LARGE1: variants seen among roughly 807,000 people sequenced by gnomAD.
The protein encoded by LARGE1 is xylosyl- and glucuronyltransferase LARGE1.
LARGE1 carries 43 observed loss-of-function variants against 87.6 expected under a neutral mutation model. The ratio of observed to expected loss-of-function variants is 0.49; its 90% CI spans 0.38 to 0.63. LARGE1 has a LOEUF of 0.63. Ranked by LOEUF, LARGE1 falls within the 30% of genes least tolerant of loss-of-function variation. The probability of loss-of-function intolerance (pLI) is 0.00; values close to 1 mark genes in which losing one functional copy is unlikely to be tolerated. For missense variants in LARGE1, 802 were observed against 1,000.2 expected (o/e 0.80, Z 2.67); for synonymous variants, 434 against 394.6 (o/e 1.10, Z -1.18).
intron 2 of LARGE1, 118 bp from the exon 3 acceptor site, chr22:33,650,786 G>A: frequency 8.8e-7 from 1 of 1,142,182 alleles, no homozygotes; most frequent in East Asian, 2.5e-5. Context: ...CCATGTTTAA[G>A]GAAAACAGAT....
intron 11 of LARGE1, among the ~76,000 whole-genome samples, chr22:33,222,360 T>TG (rs924688918): frequency 3.9e-5 from 6 of 152,110 alleles, no homozygotes; most frequent in Non-Finnish European, 8.8e-5. Flanking sequence ...AGAAGGGCCT[T>TG]GGGGGAGAGC....
At chr22:33,074,204 C>G in the LARGE1 span, among the ~76,000 whole-genome samples, 1 of 152,102 alleles carries the variant, frequency 6.6e-6, no homozygotes, top group Non-Finnish European at 1.5e-5. Flanking sequence ...TGGCCAGGAT[C>G]ACCTACTCCT....
rs373268713 is a variant in LARGE1, at chr22:33,419,726, T to C, written c.892+12435A>G. ...TTTGTTTTGAGATGGAGTCTCGCTC[T>C]ATTGCCCAGGCTGAAGTGTAGTGGC... is the stretch of plus-strand genomic sequence containing the variant. On this transcript the variant is annotated intron_variant, in intron 7 of 14. Transcript: ENST00000397394. 3.3e-5 allele frequency among the ~76,000 whole-genome samples: 5 copies of C among 152,290 alleles called. No individual in the cohort carries two copies. In the East Asian group the frequency reaches 9.7e-4, roughly 29 times the overall value.
chr22:33,282,013 G>T (rs1930535820), intron 13 of LARGE1, among the ~76,000 whole-genome samples: 1 of 152,188 alleles, frequency 6.6e-6, no homozygotes, highest in African/African-American at 2.4e-5. Flanking sequence ...GGAAGTGTTG[G>T]CCATTCTGAC....
chr22:33,540,731 G>C (rs1477289915), intron 6 of LARGE1, among the ~76,000 whole-genome samples: 1 of 152,094 alleles, frequency 6.6e-6, no homozygotes, highest in Non-Finnish European at 1.5e-5. Flanking sequence ...TGGCTGATAT[G>C]GGGTAGACCT....
At chr22:33,447,534 C>G (rs570515053) in intron 6 of LARGE1, among the ~76,000 whole-genome samples, 1 of 152,314 alleles carries the variant, frequency 6.6e-6, no homozygotes, top group South Asian at 2.1e-4. Context: ...AACCCCAGCA[C>G]GTCCCAATGC....
intron 1 of LARGE1, among the ~76,000 whole-genome samples, chr22:33,768,785 C>T (rs1219519280): frequency 6.6e-6 from 1 of 152,150 alleles, no homozygotes; most frequent in Non-Finnish European, 1.5e-5. Flanking sequence ...TTACACCAAC[C>T]CACCTCTACT....
chr22:33,889,659 G>A (rs1673960281), intron 1 of LARGE1, among the ~76,000 whole-genome samples: 1 of 152,124 alleles, frequency 6.6e-6, no homozygotes, highest in Admixed American at 6.5e-5. Flanking sequence ...AGGGGCTCAT[G>A]GACAGGAAAC....
chr22:33,409,283 T>G (rs2066220263), intron 7 of LARGE1, among the ~76,000 whole-genome samples: 1 of 143,608 alleles, frequency 7.0e-6, no homozygotes, highest in Non-Finnish European at 1.5e-5. Context: ...CAGCTTACCC[T>G]GAGACGGAAG....
intron 1 of LARGE1, among the ~76,000 whole-genome samples, chr22:33,846,253 CA>C (rs1477373930): frequency 6.6e-6 from 1 of 152,196 alleles, no homozygotes; most frequent in African/African-American, 2.4e-5. Context: ...ATTAGTTCCC[CA>C]AATTAATACT....
chr22:33,511,890 C>G (rs1486644052), intron 6 of LARGE1, among the ~76,000 whole-genome samples: 1 of 152,230 alleles, frequency 6.6e-6, no homozygotes, highest in Non-Finnish European at 1.5e-5. Flanking sequence ...ATGGCTAACT[C>G]CCCTACAAGT....
intron 2 of LARGE1, among the ~76,000 whole-genome samples, chr22:33,709,628 CTT>C (rs1361106062): frequency 2.0e-4 from 28 of 139,228 alleles, no homozygotes; most frequent in Admixed American, 4.3e-4. Flanking sequence ...TTCTTTAATT[CTT>C]TTTTTTTTTT....
chr22:33,236,185 A>G (rs1034261404), intron 11 of LARGE1, among the ~76,000 whole-genome samples: 1 of 152,182 alleles, frequency 6.6e-6, no homozygotes, highest in Non-Finnish European at 1.5e-5. Flanking sequence ...GACCTCCAGA[A>G]CTGTGAGAGC....
chr22:33,262,553 T>A (rs942800187), intron 11 of LARGE1, among the ~76,000 whole-genome samples: 1 of 152,088 alleles, frequency 6.6e-6, no homozygotes, highest in African/African-American at 2.4e-5. Context: ...TGCTGGAAGA[T>A]CTTCAGTGCC....
chr22:33,859,234 A>C (rs2063843588), intron 1 of LARGE1, among the ~76,000 whole-genome samples: 1 of 152,184 alleles, frequency 6.6e-6, no homozygotes, highest in East Asian at 1.9e-4. Context: ...TCACCTTATA[A>C]ATGCAAACCT....
In LARGE1 at chr22:33,433,902, T is replaced by C. The variant is rs547315141; in HGVS notation, c.788-1637A>G. 2.6e-5 allele frequency among the ~76,000 whole-genome samples: 4 copies of C among 152,264 alleles called. No homozygotes were observed. The South Asian group carries it at 8.3e-4, about 32-fold the overall frequency. On this transcript the variant is annotated intron_variant, in intron 6 of 14. Transcript: ENST00000397394. ...GATGGTGTGTGGGTTTGGGGTAATA[T>C]ATTCGATCAATTTTATTAAGCTCCT...
At chr22:33,564,363 G>C (rs941529098) in intron 6 of LARGE1, among the ~76,000 whole-genome samples, 1 of 152,072 alleles carries the variant, frequency 6.6e-6, no homozygotes, top group African/African-American at 2.4e-5. Flanking sequence ...AAACCCACCA[G>C]ACTAGAAAGA....
chr22:33,515,671 G>C (rs2071270620), intron 6 of LARGE1, among the ~76,000 whole-genome samples: 1 of 152,150 alleles, frequency 6.6e-6, no homozygotes, highest in African/African-American at 2.4e-5. Context: ...GAAGAACCCA[G>C]GCAGGGGAGG....
At chr22:33,251,416 C>T (rs1927005407) in intron 11 of LARGE1, among the ~76,000 whole-genome samples, 1 of 152,048 alleles carries the variant, frequency 6.6e-6, no homozygotes, top group African/African-American at 2.4e-5. Context: ...TGACTTTCTG[C>T]TCTGTTTTTT....
Sources: gnomAD v4.1 joint callset for allele counts (sites outside exome capture counted in the v4.1 genomes callset) on GRCh38, gnomAD v4.1.1 for gene constraint, MANE v1.5 for transcripts, NCBI Gene and HGNC (gene_info 2026-07-23, HGNC 2026-07-21) for gene names.